The following MARK1 variants were observed in gnomAD, a reference collection of about 807,000 sequenced individuals.
MARK1 encodes serine/threonine-protein kinase MARK1.
In MARK1, 40 loss-of-function variants were observed where a neutral mutation model predicts 96.3. That is an observed-to-expected ratio of 0.42 (90% CI 0.32 to 0.54). The LOEUF is 0.54. Among genes scored for constraint, MARK1 ranks in the 20% least tolerant of loss-of-function variants. MARK1 has a pLI of 0.16. For missense variants in MARK1, 719 were observed against 984.6 expected, an observed-to-expected ratio of 0.73 and a Z score of 3.61; for synonymous variants, 317 against 341.2, an observed-to-expected ratio of 0.93 and a Z score of 0.78.
intron 3 of MARK1, among the ~76,000 whole-genome samples, chr1:220,584,348 T>C (rs1664450034): frequency 2.0e-5 from 3 of 152,266 alleles, no homozygotes; most frequent in Admixed American, 2.0e-4. Context: ...CTCAGAATTA[T>C]GTCATTATAT....
Position 220,528,459 on chromosome 1 carries a change from A to T in MARK1, c.-364A>T. On this transcript the variant is annotated 5_prime_UTR_variant, in exon 1 of 18. Coordinates refer to ENST00000366917, the MANE Select transcript of MARK1 (RefSeq NM_018650.5). ...GGCAGTGATTTGAGGCACCGGCTTC[A>T]CCTTCACCCATGGTCCGGAGAGCCT... 7.6e-6 allele frequency: 2 copies of T among 263,736 alleles called. No homozygotes were observed. The highest frequency in any genetic ancestry group is 2.3e-5 in the African/African-American group (1 of 44,388). The allele number at this position is 263,736 out of a possible 1,614,324, so 16.3% of individuals were successfully genotyped here. A position where few individuals can be genotyped will look rare whatever the true frequency, so the allele number is the denominator to read the frequency against.
At chr1:220,551,291 G>A (rs921640234) in intron 1 of MARK1, among the ~76,000 whole-genome samples, 1 of 152,198 alleles carries the variant, frequency 6.6e-6, no homozygotes, top group Non-Finnish European at 1.5e-5. Context: ...GACCTTCAGA[G>A]CATATAAATG....
intron 1 of MARK1, among the ~76,000 whole-genome samples, chr1:220,535,533 C>T (rs56690182): frequency 1.9e-4 from 29 of 152,162 alleles, no homozygotes; most frequent in African/African-American, 6.7e-4. Flanking sequence ...TCCTGATTGT[C>T]TATTTTTGCT....
chr1:220,580,294 G>A (rs1361019559), intron 2 of MARK1, among the ~76,000 whole-genome samples: 1 of 151,862 alleles, frequency 6.6e-6, no homozygotes, highest in Non-Finnish European at 1.5e-5. Flanking sequence ...GACCAGCCTG[G>A]GCAACATGGC....
chr1:220,552,980 C>A (rs1661970411), intron 1 of MARK1, among the ~76,000 whole-genome samples: 1 of 152,116 alleles, frequency 6.6e-6, no homozygotes, highest in African/African-American at 2.4e-5. Flanking sequence ...AACCTTCATC[C>A]CTGCCATCAT....
intron 13 of MARK1, among the ~76,000 whole-genome samples, chr1:220,642,983 TC>T (rs752826075): frequency 6.6e-6 from 1 of 151,884 alleles, no homozygotes; most frequent in Non-Finnish European, 1.5e-5. Flanking sequence ...GGTACATAAA[TC>T]CACGAAAATG....
rs754623408 is a variant in MARK1 at position 220,618,539 on chromosome 1, A to G, written c.782A>G (p.Asn261Ser). 6.2e-7 allele frequency: 1 copy of G among 1,614,066 alleles called. No individual in the cohort carries two copies. The highest frequency in any genetic ancestry group is 1.1e-5 in the South Asian group (1 of 91,060). Residue 261 changes from asparagine to serine, a missense_variant, in exon 8 of 18, where the codon AAT becomes AGT. Physicochemically the swap from Asn to Ser is conservative, Grantham distance 46 (BLOSUM62 1). This residue lies in a region of MARK1 where 96 missense variants were observed against 213.1 expected (regional missense o/e 0.45). Coordinates refer to ENST00000366917, the MANE Select transcript of MARK1 (RefSeq NM_018650.5). This position sits in a 1 kb window ranked among gnomAD's most constrained non-coding sequence, Gnocchi z 4.6. Reference protein sequence around the residue: ...VSGSLPFDGQNLKELRERVLR... With the variant: ...VSGSLPFDGQSLKELRERVLR... ...GGCTCCTTGCCTTTCGATGGCCAGAATTTAAAGGTATCAGCTAAATTCTTT... is the reference window on the plus strand; with the variant it reads ...GGCTCCTTGCCTTTCGATGGCCAGAGTTTAAAGGTATCAGCTAAATTCTTT...
chr1:220,555,652 A>T (rs576649984), intron 1 of MARK1, among the ~76,000 whole-genome samples: 1 of 152,312 alleles, frequency 6.6e-6, no homozygotes, highest in South Asian at 2.1e-4. Flanking sequence ...CTGTGAGAGG[A>T]GCAAATTTGA....
chr1:220,533,413 T>C (rs905728536), intron 1 of MARK1, among the ~76,000 whole-genome samples: 1 of 152,142 alleles, frequency 6.6e-6, no homozygotes, highest in African/African-American at 2.4e-5. Flanking sequence ...ATTAGACACA[T>C]GATTTTAAAG....
At chr1:220,608,325 T>G (rs576531734) in intron 6 of MARK1, among the ~76,000 whole-genome samples, 18 of 152,322 alleles carry the variant, frequency 1.2e-4, no homozygotes, top group African/African-American at 4.3e-4. Flanking sequence ...CTTCTAGATT[T>G]TCTGGTTTAT....
At position 220,588,404 on chromosome 1, in the gene MARK1, A is replaced by T. The variant is rs369880470; in HGVS notation, c.309+7286A>T. Among the ~76,000 whole-genome samples, 5 of 152,334 alleles carry T rather than the reference A, an allele frequency of 3.3e-5. No individual in the cohort carries two copies. In the East Asian group the frequency reaches 9.6e-4, roughly 29 times the overall value. ...ACTGACACAGGCTATCATTTATAGA[A>T]TATTTCCTTCTATTACTTTGCAATG... On this transcript the variant is annotated intron_variant, in intron 3 of 17. Coordinates refer to ENST00000366917, the MANE Select transcript of MARK1 (RefSeq NM_018650.5).
chr1:220,588,532 G>T (rs1341526451), intron 3 of MARK1, among the ~76,000 whole-genome samples: 6 of 152,158 alleles, frequency 3.9e-5, no homozygotes, highest in African/African-American at 1.4e-4. Flanking sequence ...ATTATATTCA[G>T]ATCTCTTTCT....
intron 3 of MARK1, among the ~76,000 whole-genome samples, chr1:220,594,532 GA>G: frequency 6.6e-6 from 1 of 152,292 alleles, no homozygotes; most frequent in South Asian, 2.1e-4. Context: ...TTTACCCAAG[GA>G]AGCTGAAAAC....
intron 3 of MARK1, among the ~76,000 whole-genome samples, chr1:220,589,954 A>G (rs1462725503): frequency 1.3e-5 from 2 of 152,180 alleles, no homozygotes; most frequent in African/African-American, 4.8e-5. Context: ...ACTTCTTTTC[A>G]TAGTCTAAAT....
rs1423141808 is a variant in MARK1, at chr1:220,618,791, A to G, written c.909+36A>G. 6.5e-6 allele frequency: 10 copies of G among 1,532,522 alleles called. No individual in the cohort carries two copies. The highest frequency in any genetic ancestry group is 8.8e-6 in the Non-Finnish European group (10 of 1,137,968). The allele number at this position is 1,532,522 out of a possible 1,614,324, so 94.9% of individuals were successfully genotyped here. Reference sequence around the variant, plus strand: ...TTTTGTACTCCAAATTTAAATTTTAACAATTAAAATATTCCAGGAACCGAA... The same window carrying G: ...TTTTGTACTCCAAATTTAAATTTTAGCAATTAAAATATTCCAGGAACCGAA... On this transcript the variant is annotated intron_variant, in intron 9 of 17. Coordinates refer to ENST00000366917, the MANE Select transcript of MARK1 (RefSeq NM_018650.5). The surrounding 1 kb of genome is among the most constrained non-coding windows in gnomAD (Gnocchi z 4.6).
chr1:220,626,980 TA>T, intron 9 of MARK1: 1 of 521,692 alleles, frequency 1.9e-6, no homozygotes, highest in South Asian at 1.5e-5. Context: ...CAGAGATCCC[TA>T]ATGAGCTTCC....
Position 220,632,182 on chromosome 1 carries a change from C to T in MARK1, c.1010-19C>T. The T allele has an allele frequency of 8.1e-7, 1 of 1,238,160 alleles. No homozygotes were observed. Among genetic ancestry groups the T allele is most frequent in the Non-Finnish European group, 1.1e-6 (1 of 917,322 alleles). The allele number at this position is 1,238,160 out of a possible 1,614,324, so 76.7% of individuals were successfully genotyped here. A position where few individuals can be genotyped will look rare whatever the true frequency, so the allele number is the denominator to read the frequency against. On this transcript the variant is annotated intron_variant, in intron 10 of 17. Transcript: ENST00000366917. ...AAATAAAACCATTTTCAGAAAATTT[C>T]TCTTTTTTAAATTTCTAGACATTAT... is the stretch of plus-strand genomic sequence containing the variant.
chr1:220,581,428 T>C (rs1246045898), intron 3 of MARK1, among the ~76,000 whole-genome samples: 1 of 152,210 alleles, frequency 6.6e-6, no homozygotes, highest in Non-Finnish European at 1.5e-5. Context: ...TATTTTCAAG[T>C]ATTCAGAATT....
chr1:220,650,679 C>T lies in MARK1; in HGVS notation c.1530C>T (p.Thr510=). ...GGAATACATATGTCTGTGAAAGGAC[C>T]ACAGATCGATACGTAGCATTGCAGA... ...ARRNTYVCER[T]TDRYVALQNG... is the part of the protein sequence containing the mutation. Residue 510 remains threonine, a synonymous_variant, in exon 14 of 18, where the codon ACC becomes ACT. Coordinates refer to ENST00000366917, the MANE Select transcript of MARK1 (RefSeq NM_018650.5). The T allele has an allele frequency of 6.2e-7, 1 of 1,613,584 alleles. No individual in the cohort carries two copies. The highest frequency in any genetic ancestry group is 8.5e-7 in the Non-Finnish European group (1 of 1,179,716).
Sources: allele counts gnomAD v4.1 joint callset (sites outside exome capture counted in the v4.1 genomes callset), GRCh38; gene constraint gnomAD v4.1.1; regional missense constraint gnomAD v4.1.1; non-coding constraint Gnocchi (gnomAD v3.1); transcripts MANE v1.5; gene names NCBI Gene and HGNC (gene_info 2026-07-23, HGNC 2026-07-21).